The following N4BP2 variants were observed in gnomAD, a reference collection of about 807,000 sequenced individuals.
N4BP2 encodes NEDD4-binding protein 2.
In N4BP2, 91 loss-of-function variants were observed where a neutral mutation model predicts 152.8. That is an observed-to-expected ratio of 0.60 (90% CI 0.50 to 0.71). The LOEUF is 0.71. N4BP2 is among the 30% of genes least tolerant of loss of function. The pLI is 0.00. For missense variants in N4BP2, 1,923 were observed against 2,059.1 expected (o/e 0.93, Z 1.28); for synonymous variants, 646 against 705.3 (o/e 0.92, Z 1.33).
At chr4:40,124,136 C>T (rs1429713936) in intron 10 of N4BP2, 24 bp from the exon 11 acceptor site, 7 of 1,602,254 alleles carry the variant, frequency 4.4e-6, no homozygotes, top group Non-Finnish European at 6.0e-6. Flanking sequence ...GTTTGCCAAT[C>T]TCTTGCCTGG....
At chr4:40,143,521 G>A (rs201349417) in intron 15 of N4BP2, among the ~76,000 whole-genome samples, 1 of 152,064 alleles carries the variant, frequency 6.6e-6, no homozygotes, top group East Asian at 1.9e-4. Context: ...GGCTGGTCGT[G>A]AACTCCTGAG....
In N4BP2 at chr4:40,102,954, T is replaced by C; in HGVS notation, c.1109T>C (p.Phe370Ser). 1.2e-6 allele frequency: 2 copies of C among 1,614,224 alleles called. No individual in the cohort carries two copies. The highest frequency in any genetic ancestry group is 2.7e-5 in the African/African-American group (2 of 75,050). The change falls in exon 4 of 18, where the codon TTT (phenylalanine) becomes TCT (serine). Residue 370 changes from phenylalanine to serine, a missense_variant. By Grantham distance (155) the Phe-to-Ser change is radical. Transcript: ENST00000261435. ...PPMWNPMIPA[F>S]DLFQGNHGFV... ...ATGTGGAATCCAATGATTCCTGCTT[T>C]TGACCTCTTCCAAGGAAACCATGGC... is the stretch of plus-strand genomic sequence containing the variant.
chr4:40,130,171 G>T (rs201983746), intron 12 of N4BP2, among the ~76,000 whole-genome samples: 1 of 151,480 alleles, frequency 6.6e-6, no homozygotes. Flanking sequence ...GACCAGAAGC[G>T]CACATCACCA....
intron 2 of N4BP2, 31 bp from the exon 3 acceptor site, chr4:40,097,196 T>G: frequency 1.6e-6 from 1 of 638,250 alleles, no homozygotes; most frequent in Non-Finnish European, 2.7e-6. Flanking sequence ...ATATATATAG[T>G]CTGAGTGTTT....
intron 12 of N4BP2, 46 bp downstream of exon 12, chr4:40,126,376 T>C (rs1718411434): frequency 1.1e-6 from 1 of 935,740 alleles, no homozygotes; most frequent in African/African-American, 1.7e-5. Context: ...GATTCTGGTT[T>C]ATTGTGTATG....
chr4:40,062,590 ACTT>A (rs1366248440), intron 1 of N4BP2, among the ~76,000 whole-genome samples: 7 of 148,562 alleles, frequency 4.7e-5, no homozygotes, highest in African/African-American at 1.7e-4. Context: ...AGACTTCTGA[ACTT>A]CTTCACTTGG....
Position 40,144,731 on chromosome 4 carries a change from G to C in N4BP2, c.5074G>C (p.Asp1692His). ...TTCGCTGCTGCCACAGAATGTTTTA[G>C]ACCTCCATGGGCTGCATGTGGATGA... ...NASLLPQNVL[D>H]LHGLHVDEAL... The change falls in exon 16 of 18, where the codon GAC (aspartate) becomes CAC (histidine). Residue 1692 changes from aspartate to histidine, a missense_variant. Asp to His is a moderately conservative substitution (Grantham distance 81). Transcript: ENST00000261435. 6.2e-7 allele frequency: 1 copy of C among 1,614,106 alleles called. No homozygotes were observed. The highest frequency in any genetic ancestry group is 8.5e-7 in the Non-Finnish European group (1 of 1,180,006).
chr4:40,117,875 C>A lies in N4BP2; in HGVS notation c.1671C>A (p.Asn557Lys). The A allele has an allele frequency of 6.3e-7, 1 of 1,599,918 alleles. No individual in the cohort carries two copies. The highest frequency in any genetic ancestry group is 8.5e-7 in the Non-Finnish European group (1 of 1,174,056). ...KFKPKELARR[N>K]IHGVSKEKIT... ...TTTCCCCTGGAATTTTCAGGCGTAA[C>A]ATTCATGGGGTAAGCAAAGAAAAAA... The change falls in exon 8 of 18, where the codon AAC becomes AAA. Residue 557 changes from asparagine (N) to lysine (K), a missense_variant. Transcript: ENST00000261435.
the N4BP2 span, among the ~76,000 whole-genome samples, chr4:40,163,892 G>A: frequency 5.9e-5 from 9 of 152,246 alleles, no homozygotes; most frequent in South Asian, 8.3e-4. Flanking sequence ...TAGAATTTGC[G>A]AAATCTTTCC....
intron 1 of N4BP2, among the ~76,000 whole-genome samples, chr4:40,062,769 C>T (rs1733765498): frequency 6.6e-6 from 1 of 152,076 alleles, no homozygotes; most frequent in Non-Finnish European, 1.5e-5. Context: ...TTGTTCCTTA[C>T]CCTCACTTTT....
chr4:40,081,747 G>A (rs1178831069), intron 2 of N4BP2, among the ~76,000 whole-genome samples: 4 of 151,962 alleles, frequency 2.6e-5, no homozygotes, highest in Admixed American at 6.6e-5. Context: ...AGGCTGAGAC[G>A]GGTGGATTAC....
chr4:40,079,423 GT>G (rs35152952), intron 2 of N4BP2, among the ~76,000 whole-genome samples: 180 of 133,784 alleles, frequency 1.3e-3, no homozygotes, highest in Non-Finnish European at 1.5e-3. Flanking sequence ...ACCCTGGATG[GT>G]TTTTTTTTTT....
Position 40,154,368 on chromosome 4 carries a change from TATG to T in N4BP2, c.*135_*137del, listed in dbSNP as rs1721431115. ...ATATTCAATTATGAAACAAAAAAAT[TATG>T]ATGTTTTTCAAAATGCAAGTGAGGT... On this transcript the variant is annotated 3_prime_UTR_variant, in exon 18 of 18. Coordinates refer to ENST00000261435, the MANE Select transcript of N4BP2 (RefSeq NM_018177.6). 3 of 547,996 alleles carry T rather than the reference TATG, an allele frequency of 5.5e-6. No individual in the cohort carries two copies. Among genetic ancestry groups the T allele is most frequent in the East Asian group, 3.4e-5 (1 of 29,264 alleles). 33.9% of individuals were successfully genotyped at this position (547,996 alleles called of 1,614,324 possible). A position where few individuals can be genotyped will look rare whatever the true frequency, so the allele number is the denominator to read the frequency against.
At chr4:40,170,020 A>C in the N4BP2 span, among the ~76,000 whole-genome samples, 1 of 147,022 alleles carries the variant, frequency 6.8e-6, no homozygotes, top group Non-Finnish European at 1.5e-5. Flanking sequence ...GGAAATTAAG[A>C]AAAGACTCAT....
chr4:40,118,134 C>A, intron 8 of N4BP2, 110 bp downstream of exon 8: 1 of 965,148 alleles, frequency 1.0e-6, no homozygotes, highest in African/African-American at 1.7e-5. Context: ...ATAAGGTGGA[C>A]TTGGCTGGGT....
intron 2 of N4BP2, among the ~76,000 whole-genome samples, chr4:40,081,091 G>A (rs1046331864): frequency 6.6e-6 from 1 of 151,990 alleles, no homozygotes; most frequent in African/African-American, 2.4e-5. Flanking sequence ...TTGCAAACTG[G>A]AGGAAGTACA....
chr4:40,078,953 C>T (rs1382464429), intron 2 of N4BP2, among the ~76,000 whole-genome samples: 1 of 151,666 alleles, frequency 6.6e-6, no homozygotes, highest in African/African-American at 2.4e-5. Flanking sequence ...TTTTTATTTT[C>T]ATTTTTTTAG....
chr4:40,157,373 T>C lies in N4BP2; in HGVS notation c.*3136T>C, dbSNP rs1721689350. The C allele has an allele frequency of 6.6e-6, 1 of 152,136 alleles. No individual in the cohort carries two copies. Among genetic ancestry groups the C allele is most frequent in the Middle Eastern group, 3.2e-3 (1 of 316 alleles). 9.4% of individuals were successfully genotyped at this position (152,136 alleles called of 1,614,324 possible). On this transcript the variant is annotated 3_prime_UTR_variant, in exon 18 of 18. Transcript: ENST00000261435. ...ACTTTAAATCCTCTTGAGTAGTATA[T>C]TTTGAGAAGAAAAGCTATACTGCTC... is the stretch of plus-strand genomic sequence containing the variant.
chr4:40,162,898 A>G (rs1190355508), downstream of N4BP2, among the ~76,000 whole-genome samples: 2 of 152,182 alleles, frequency 1.3e-5, no homozygotes, highest in Non-Finnish European at 1.5e-5. Flanking sequence ...AGCTGATGGT[A>G]TCTTTCAGTT....
Sources: allele counts gnomAD v4.1 joint callset (sites outside exome capture counted in the v4.1 genomes callset), GRCh38; gene constraint gnomAD v4.1.1; transcripts MANE v1.5; gene names NCBI Gene and HGNC (gene_info 2026-07-23, HGNC 2026-07-21).